The following TMC1 variants were observed in gnomAD, a reference collection of about 807,000 sequenced individuals.
TMC1 encodes transmembrane channel-like protein 1.
In TMC1, 84 loss-of-function variants were observed where a neutral mutation model predicts 105.8. The ratio of observed to expected loss-of-function variants is 0.79; its 90% CI spans 0.67 to 0.95. The LOEUF is 0.95. TMC1 is among the 40% of genes least tolerant of loss of function. The probability of loss-of-function intolerance (pLI) is 0.00; values close to 1 mark genes in which losing one functional copy is unlikely to be tolerated. For missense variants in TMC1, 817 were observed against 914.1 expected (o/e 0.89, Z 1.37); for synonymous variants, 315 against 311.5 (o/e 1.01, Z -0.12).
intron 7 of TMC1, among the ~76,000 whole-genome samples, chr9:72,699,268 A>G (rs1222439441): frequency 6.6e-6 from 1 of 152,202 alleles, no homozygotes; most frequent in East Asian, 1.9e-4. Context: ...AAGAAAAGCT[A>G]CATCTCATGC....
intron 23 of TMC1, among the ~76,000 whole-genome samples, chr9:72,834,067 A>T (rs1829082470): frequency 1.4e-5 from 2 of 144,496 alleles, no homozygotes; most frequent in African/African-American, 2.6e-5. Flanking sequence ...TTTATTTTTC[A>T]TCCTTAAATT....
At chr9:72,665,147 T>C (rs1013339294) in intron 5 of TMC1, among the ~76,000 whole-genome samples, 10 of 152,226 alleles carry the variant, frequency 6.6e-5, no homozygotes, top group African/African-American at 2.4e-4. Flanking sequence ...TATAATCTTA[T>C]GATACCACCT....
At chr9:72,568,366 T>A (rs1435473662) in intron 1 of TMC1, among the ~76,000 whole-genome samples, 1 of 152,152 alleles carries the variant, frequency 6.6e-6, no homozygotes, top group Non-Finnish European at 1.5e-5. Context: ...CATTTTTCAA[T>A]TAAAATGGAA....
chr9:72,620,421 A>G (rs55642072), intron 3 of TMC1, among the ~76,000 whole-genome samples: 1 of 149,112 alleles, frequency 6.7e-6, no homozygotes. Context: ...TAAAAAAAGA[A>G]TTTTTTTTTT....
At chr9:72,708,406 T>C (rs1223467891) in intron 8 of TMC1, among the ~76,000 whole-genome samples, 1 of 152,254 alleles carries the variant, frequency 6.6e-6, no homozygotes, top group Non-Finnish European at 1.5e-5. Flanking sequence ...AGCATGGATG[T>C]ATTTCCATTT....
chr9:72,793,686 C>G (rs994930350), intron 17 of TMC1, among the ~76,000 whole-genome samples: 3 of 152,296 alleles, frequency 2.0e-5, no homozygotes, highest in East Asian at 3.9e-4. Context: ...TGTTTCACAG[C>G]CTTCACTGTT....
intron 2 of TMC1, among the ~76,000 whole-genome samples, chr9:72,579,851 G>A (rs1284416996): frequency 1.3e-5 from 2 of 151,954 alleles, no homozygotes; most frequent in African/African-American, 4.8e-5. Context: ...GCATAACCCT[G>A]TCTCTACCAA....
At chr9:72,639,078 A>C (rs1825582560) in intron 4 of TMC1, among the ~76,000 whole-genome samples, 1 of 152,078 alleles carries the variant, frequency 6.6e-6, no homozygotes, top group Non-Finnish European at 1.5e-5. Flanking sequence ...AAAAAACGTA[A>C]GTATGCATTT....
intron 1 of TMC1, among the ~76,000 whole-genome samples, chr9:72,571,442 C>CTTTTTTTTTTTTTTTTTTTTTT (rs35382914): frequency 7.2e-6 from 1 of 139,092 alleles, no homozygotes; most frequent in Non-Finnish European, 1.5e-5. Flanking sequence ...CAACCTCACG[C>CTTTTTTTTTTTTTTTTTTTTTT]TTTTTTTTTT....
intron 4 of TMC1, among the ~76,000 whole-genome samples, chr9:72,647,866 A>C (rs924692952): frequency 6.6e-6 from 1 of 152,008 alleles, no homozygotes; most frequent in Non-Finnish European, 1.5e-5. Context: ...CCGTACTCTC[A>C]AAAAGACAGC....
intron 8 of TMC1, among the ~76,000 whole-genome samples, chr9:72,709,680 T>C (rs970217106): frequency 7.9e-5 from 12 of 152,160 alleles, no homozygotes; most frequent in Non-Finnish European, 1.5e-4. Flanking sequence ...GAGTGATCTT[T>C]TGTATTTCTG....
intron 12 of TMC1, among the ~76,000 whole-genome samples, chr9:72,756,001 A>G (rs1196185502): frequency 2.0e-5 from 3 of 152,320 alleles, no homozygotes; most frequent in African/African-American, 7.2e-5. Context: ...AGTAAGAACC[A>G]CAGGACCAGT....
intron 5 of TMC1, chr9:72,655,939 G>A (rs1825877927): frequency 2.5e-6 from 2 of 797,718 alleles, no homozygotes; most frequent in Admixed American, 1.7e-5. Context: ...AGTCGCTTGT[G>A]GATTCTCATC....
Position 72,805,370 on chromosome 9 carries a change from A to G in TMC1, c.1567-12A>G. 2 of 1,613,204 alleles carry G rather than the reference A, an allele frequency of 1.2e-6. No homozygotes were observed. The highest frequency in any genetic ancestry group is 1.7e-6 in the Non-Finnish European group (2 of 1,179,426). On this transcript the variant is annotated splice_polypyrimidine_tract_variant and intron_variant, in intron 17 of 23. Coordinates refer to ENST00000297784, the MANE Select transcript of TMC1 (RefSeq NM_138691.3). ...AGAACTGTGTGTTTTAATAGAGATA[A>G]TATCTCAACAGGAGTTTGTGAGGCT...
chr9:72,742,178 A>G (rs1827399324), intron 9 of TMC1, among the ~76,000 whole-genome samples: 1 of 152,186 alleles, frequency 6.6e-6, no homozygotes, highest in Admixed American at 6.5e-5. Flanking sequence ...GTGTTATATA[A>G]TAAATAGCTG....
chr9:72,791,870 T>A lies in TMC1; in HGVS notation c.1225-16T>A, dbSNP rs1249268873. 2 of 1,608,962 alleles carry A rather than the reference T, an allele frequency of 1.2e-6. No individual in the cohort carries two copies. ...AAACACCATTAACCTAGTTTCTCCC[T>A]TGTGCCTCCTTGTAGATGAACATGG... On this transcript the variant is annotated splice_polypyrimidine_tract_variant and intron_variant, in intron 15 of 23. Coordinates refer to ENST00000297784, the MANE Select transcript of TMC1 (RefSeq NM_138691.3).
chr9:72,607,173 T>G (rs969785052), intron 2 of TMC1, among the ~76,000 whole-genome samples: 1 of 152,198 alleles, frequency 6.6e-6, no homozygotes, highest in African/African-American at 2.4e-5. Context: ...AAACATTGTC[T>G]GTAAGGAATT....
intron 1 of TMC1, among the ~76,000 whole-genome samples, chr9:72,535,567 A>C (rs1482652530): frequency 2.0e-5 from 3 of 151,992 alleles, no homozygotes; most frequent in Admixed American, 1.3e-4. Flanking sequence ...AATTGCAGCC[A>C]CTCATCCTGA....
At chr9:72,658,856 A>G (rs1309481073) in intron 5 of TMC1, among the ~76,000 whole-genome samples, 1 of 152,240 alleles carries the variant, frequency 6.6e-6, no homozygotes, top group Non-Finnish European at 1.5e-5. Context: ...AATAAATCAT[A>G]GAGTGAAGAT....
Sources: allele counts gnomAD v4.1 joint callset (sites outside exome capture counted in the v4.1 genomes callset), GRCh38; gene constraint gnomAD v4.1.1; transcripts MANE v1.5; gene names NCBI Gene and HGNC (gene_info 2026-07-23, HGNC 2026-07-21).